Variants in RYR3 observed in about 807,000 individuals in gnomAD.
The protein encoded by RYR3 is brain ryanodine receptor-calcium release channel.
In RYR3, 207 loss-of-function variants were observed where a neutral mutation model predicts 584.3. The ratio of observed to expected loss-of-function variants is 0.35; its 90% CI spans 0.32 to 0.40. RYR3 has a LOEUF of 0.40. RYR3 is among the 10% of genes least tolerant of loss of function. The pLI, the probability that RYR3 is intolerant of heterozygous loss-of-function variation, is 1.00. For synonymous variants in RYR3, 2,416 were observed against 2,248.5 expected, an observed-to-expected ratio of 1.07 and a Z score of -2.11; for missense variants, 5,616 against 6,089.2, an observed-to-expected ratio of 0.92 and a Z score of 2.59.
At chr15:33,398,807 G>A (rs56126978) in intron 1 of RYR3, among the ~76,000 whole-genome samples, 1 of 152,158 alleles carries the variant, frequency 6.6e-6, no homozygotes, top group Admixed American at 6.5e-5. Flanking sequence ...TGGCTCTGAG[G>A]AGAGCGAGGC....
chr15:33,824,492 C>T (rs1489781007), intron 81 of RYR3, among the ~76,000 whole-genome samples: 2 of 152,150 alleles, frequency 1.3e-5, no homozygotes, highest in African/African-American at 4.8e-5. Context: ...TGTTCTTTCC[C>T]ATGTTTTCCT....
intron 86 of RYR3, among the ~76,000 whole-genome samples, chr15:33,833,399 A>C (rs771825173): frequency 4.6e-5 from 7 of 152,260 alleles, no homozygotes; most frequent in Non-Finnish European, 1.0e-4. Context: ...TGGCACAGTC[A>C]GATCATATTT....
chr15:33,787,518 TAA>T (rs1015449686), intron 66 of RYR3, among the ~76,000 whole-genome samples: 1 of 132,906 alleles, frequency 7.5e-6, no homozygotes, highest in Non-Finnish European at 1.6e-5. Flanking sequence ...CTCTGGTCTT[TAA>T]AAAAAAAAAA....
At chr15:33,849,482 G>GC (rs777526623) in intron 94 of RYR3, 9 of 152,266 alleles carry the variant, frequency 5.9e-5, no homozygotes, top group Admixed American at 2.6e-4. Flanking sequence ...CAAATGCCTG[G>GC]CACGTGGTAG....
intron 3 of RYR3, among the ~76,000 whole-genome samples, chr15:33,511,907 T>C (rs574248050): frequency 1.3e-5 from 2 of 152,074 alleles, no homozygotes; most frequent in South Asian, 2.1e-4. Flanking sequence ...GCCTCCCGAG[T>C]AGCTGGGACT....
chr15:33,788,739 C>T (rs1237866532), intron 67 of RYR3, among the ~76,000 whole-genome samples: 1 of 152,150 alleles, frequency 6.6e-6, no homozygotes, highest in Non-Finnish European at 1.5e-5. Context: ...GTAGCAGTGA[C>T]CCACTTCTGC....
intron 16 of RYR3, among the ~76,000 whole-genome samples, chr15:33,589,864 G>A (rs1045095993): frequency 2.6e-5 from 4 of 152,288 alleles, no homozygotes; most frequent in African/African-American, 9.6e-5. Context: ...GCTTACTATA[G>A]CCTTGTAGTA....
intron 39 of RYR3, among the ~76,000 whole-genome samples, chr15:33,697,217 A>G (rs1408329939): frequency 1.3e-5 from 2 of 152,232 alleles, no homozygotes; most frequent in Non-Finnish European, 2.9e-5. Flanking sequence ...GACCTTCAGG[A>G]TCCTTGGAGG....
intron 11 of RYR3, 76 bp downstream of exon 11, chr15:33,563,086 AAC>A (rs2057499629): frequency 8.6e-7 from 1 of 1,156,726 alleles, no homozygotes; most frequent in African/African-American, 1.6e-5. Flanking sequence ...TGATTCTGAG[AAC>A]CAGGTGGACA....
At chr15:33,763,449 G>A (rs1400037394) in intron 60 of RYR3, among the ~76,000 whole-genome samples, 1 of 152,032 alleles carries the variant, frequency 6.6e-6, no homozygotes, top group African/African-American at 2.4e-5. Flanking sequence ...CAAAAACGGG[G>A]GTGAAGGATA....
intron 1 of RYR3, among the ~76,000 whole-genome samples, chr15:33,345,751 A>G (rs1437704732): frequency 1.3e-5 from 2 of 152,206 alleles, no homozygotes; most frequent in African/African-American, 4.8e-5. Context: ...GAAAATACAT[A>G]GTTTTTAATA....
At chr15:33,339,574 CT>C (rs1424894794) in intron 1 of RYR3, among the ~76,000 whole-genome samples, 1 of 152,182 alleles carries the variant, frequency 6.6e-6, no homozygotes, top group Admixed American at 6.5e-5. Flanking sequence ...AGGATTTCAG[CT>C]GGCATAACTA....
chr15:33,835,475 C>T (rs914397698), intron 87 of RYR3, among the ~76,000 whole-genome samples: 1 of 152,134 alleles, frequency 6.6e-6, no homozygotes, highest in Non-Finnish European at 1.5e-5. Context: ...CTCCTGCTTC[C>T]TCCTCCCTCC....
intron 51 of RYR3, among the ~76,000 whole-genome samples, chr15:33,741,836 G>A (rs919159151): frequency 6.6e-6 from 1 of 152,016 alleles, no homozygotes; most frequent in African/African-American, 2.4e-5. Context: ...GGATGGTCTC[G>A]ATTTCCTGAC....
rs151030402 is a variant in RYR3, at chr15:33,460,701, G to A, written c.52-12718G>A. On this transcript the variant is annotated intron_variant, in intron 1 of 103. Coordinates refer to ENST00000634891, the MANE Select transcript of RYR3 (RefSeq NM_001036.6). Reference sequence around the variant, plus strand: ...CTGAGCAGTGACTTAATACGTCTGAGGCCAGGCTTAAGTGCCTTTACCTGT... The same window carrying A: ...CTGAGCAGTGACTTAATACGTCTGAAGCCAGGCTTAAGTGCCTTTACCTGT... 3.0e-3 allele frequency among the ~76,000 whole-genome samples: 455 copies of A among 152,242 alleles called. 2 individuals are homozygous for A. Among genetic ancestry groups the A allele is most frequent in the African/African-American group, 0.011 (441 of 41,556 alleles).
rs543605019 is a variant in RYR3 at position 33,516,469 on chromosome 15, G to A, written c.279+12731G>A. Among the ~76,000 whole-genome samples, 62 of 151,292 alleles carry A rather than the reference G, an allele frequency of 4.1e-4. 1 individual carries two copies. The highest frequency in any genetic ancestry group is 1.1e-3 in the Admixed American group (17 of 15,212). On this transcript the variant is annotated intron_variant, in intron 3 of 103. Coordinates refer to ENST00000634891, the MANE Select transcript of RYR3 (RefSeq NM_001036.6). Reference sequence around the variant, plus strand: ...GGTGATTCTCCTGCCTCAGCCCCCCGAGTAGCTGGGATTACAGATGCCCAC... The same window carrying A: ...GGTGATTCTCCTGCCTCAGCCCCCCAAGTAGCTGGGATTACAGATGCCCAC...
intron 1 of RYR3, among the ~76,000 whole-genome samples, chr15:33,447,597 T>G (rs1012092840): frequency 6.6e-6 from 1 of 152,160 alleles, no homozygotes; most frequent in African/African-American, 2.4e-5. Context: ...GATAAGATCA[T>G]CCTTGAAAGG....
chr15:33,527,853 G>A (rs575168192), intron 3 of RYR3, among the ~76,000 whole-genome samples: 1 of 152,278 alleles, frequency 6.6e-6, no homozygotes, highest in East Asian at 1.9e-4. Context: ...TGGAAGGTCG[G>A]TGATTAACAA....
intron 2 of RYR3, among the ~76,000 whole-genome samples, chr15:33,499,813 C>T (rs1052550981): frequency 3.3e-5 from 5 of 152,196 alleles, no homozygotes; most frequent in African/African-American, 9.6e-5. Flanking sequence ...CTATAGTGTT[C>T]ACTCTTCACT....
Sources: allele counts gnomAD v4.1 joint callset (sites outside exome capture counted in the v4.1 genomes callset), GRCh38; gene constraint gnomAD v4.1.1; transcripts MANE v1.5; gene names NCBI Gene and HGNC (gene_info 2026-07-23, HGNC 2026-07-21).